Variants in DENND2D observed in about 807,000 individuals in gnomAD.
DENND2D encodes DENN domain-containing protein 2D.
In DENND2D, 37 loss-of-function variants were observed where a neutral mutation model predicts 59.8. The observed-to-expected ratio is 0.62, with a 90% CI of 0.48 to 0.81. DENND2D has a LOEUF of 0.81. DENND2D is among the 40% of genes least tolerant of loss of function. The probability of loss-of-function intolerance (pLI) is 0.00; values close to 1 mark genes in which losing one functional copy is unlikely to be tolerated. For missense variants in DENND2D, 525 were observed against 579.7 expected (o/e 0.91, Z 0.97); for synonymous variants, 219 against 211.3 (o/e 1.04, Z -0.31).
chr1:111,190,120 C>T (rs951897418), intron 8 of DENND2D, among the ~76,000 whole-genome samples: 142 of 148,502 alleles, frequency 9.6e-4, no homozygotes, highest in African/African-American at 3.2e-3. Flanking sequence ...GCCGAGATCG[C>T]GCCACTGCAC....
intron 8 of DENND2D, 158 bp from the exon 9 acceptor site, chr1:111,189,411 T>C (rs1415418465): frequency 4.2e-6 from 3 of 714,394 alleles, no homozygotes; most frequent in Non-Finnish European, 7.2e-6. Flanking sequence ...TTCTCCTTTC[T>C]CACCATTCCC....
rs1571171938 is a variant in DENND2D at position 111,189,124 on chromosome 1, A to G, written c.1014+88T>C. The G allele has an allele frequency of 4.1e-6, 6 of 1,457,586 alleles. No homozygotes were observed. The East Asian group carries it at 1.4e-4, about 33-fold the overall frequency. The allele number at this position is 1,457,586 out of a possible 1,614,324, so 90.3% of individuals were successfully genotyped here. A position where few individuals can be genotyped will look rare whatever the true frequency, so the allele number is the denominator to read the frequency against. On this transcript the variant is annotated intron_variant, in intron 9 of 11. Coordinates refer to ENST00000357640, the MANE Select transcript of DENND2D (RefSeq NM_024901.5). ...GATTCTCACTCAACAAAGAACTTAA[A>G]TGTTTGTTTAAATAAGTGGAACATG...
chr1:111,204,378 C>A, upstream of DENND2D: 1 of 1,391,698 alleles, frequency 7.2e-7, no homozygotes, highest in Non-Finnish European at 9.3e-7. Context: ...CCGGCTCCCG[C>A]TCCCAGCTCC....
intron 8 of DENND2D, chr1:111,189,454 G>A (rs1657525519): frequency 3.4e-6 from 2 of 593,666 alleles, no homozygotes; most frequent in East Asian, 2.9e-5. Flanking sequence ...CCTGAGGAAA[G>A]GGTGTGGGTG....
chr1:111,195,216 C>A (rs1217077962), intron 6 of DENND2D: 1 of 155,382 alleles, frequency 6.4e-6, no homozygotes, highest in Non-Finnish European at 1.4e-5. Context: ...AACATCTGTT[C>A]TCCCCACTGG....
Position 111,187,018 on chromosome 1 carries a change from TAGA to T in DENND2D, c.*584_*586del, listed in dbSNP as rs778796272. On this transcript the variant is annotated 3_prime_UTR_variant, in exon 12 of 12. Coordinates refer to ENST00000357640, the MANE Select transcript of DENND2D (RefSeq NM_024901.5). ...TACCAGTATCTCTTACCCTTCCGGT[TAGA>T]AGAAGTAGAGCTGCTGCCCCCCATG... is the stretch of plus-strand genomic sequence containing the variant. Among the ~76,000 whole-genome samples, 6 of 152,122 alleles carry T rather than the reference TAGA, an allele frequency of 3.9e-5. No homozygotes were observed. The highest frequency in any genetic ancestry group is 1.9e-4 in the East Asian group (1 of 5,178).
At chr1:111,188,436 A>G (rs1657426320) in intron 10 of DENND2D, 66 bp from the exon 11 acceptor site, 1 of 1,583,540 alleles carries the variant, frequency 6.3e-7, no homozygotes, top group Admixed American at 1.8e-5. Flanking sequence ...ACTCACCTTC[A>G]AGAATGGCTT....
intron 1 of DENND2D, 160 bp downstream of exon 1, chr1:111,200,233 T>A: frequency 1.1e-6 from 1 of 940,718 alleles, no homozygotes. Flanking sequence ...CATGACCAGC[T>A]CTTAAAAACC....
chr1:111,204,028 GGGCCCCACAAC>G (rs1659064251), upstream of DENND2D: 1 of 433,724 alleles, frequency 2.3e-6, no homozygotes, highest in Non-Finnish European at 4.1e-6. Flanking sequence ...CGTGGCCCCG[GGGCCCCACAAC>G]GGCTTCCTGT....
chr1:111,193,294 ACT>A (rs1657942934), intron 7 of DENND2D, among the ~76,000 whole-genome samples: 1 of 151,988 alleles, frequency 6.6e-6, no homozygotes, highest in Non-Finnish European at 1.5e-5. Context: ...GAGCTGAAAA[ACT>A]CAGTGTGGGA....
At chr1:111,198,935 T>C (rs1282542979) in intron 2 of DENND2D, among the ~76,000 whole-genome samples, 193 bp from the exon 3 acceptor site, 1 of 152,138 alleles carries the variant, frequency 6.6e-6, no homozygotes, top group Admixed American at 6.5e-5. Context: ...TTGGAACAAC[T>C]CCAAAGCTGA....
intron 2 of DENND2D, 120 bp from the exon 3 acceptor site, chr1:111,198,862 A>T: frequency 2.1e-6 from 2 of 954,832 alleles, no homozygotes; most frequent in Non-Finnish European, 3.2e-6. Context: ...AAGCTTCTCC[A>T]CTAGCATAGG....
chr1:111,196,111 T>C, intron 5 of DENND2D, 55 bp from the exon 6 acceptor site: 1 of 1,541,710 alleles, frequency 6.5e-7, no homozygotes, highest in Middle Eastern at 1.7e-4. Context: ...ACCAGGCAGG[T>C]GGAAGAGACT....
chr1:111,196,643 A>G (rs1658258647), intron 5 of DENND2D: 1 of 161,562 alleles, frequency 6.2e-6, no homozygotes, highest in African/African-American at 2.4e-5. Flanking sequence ...CATGGCCCCC[A>G]TGGATTCTGC....
chr1:111,194,509 C>T (rs1034857085), intron 7 of DENND2D, 69 bp downstream of exon 7: 2 of 1,574,960 alleles, frequency 1.3e-6, no homozygotes, highest in African/African-American at 2.7e-5. Context: ...CTTGGATAAC[C>T]TCCAGTCTGT....
chr1:111,192,201 G>T lies in DENND2D; in HGVS notation c.911C>A (p.Pro304His). ...GCGCATTTGTACTCCAACCATGAAG[G>T]GGGTGGGGCAGCAGACGGTGGCCAG... Reference protein sequence around the residue: ...SLLATVCCPTPFMVGVQMRFQ... With the variant: ...SLLATVCCPTHFMVGVQMRFQ... The change falls in exon 8 of 12, where the codon CCC becomes CAC. Residue 304 changes from proline to histidine, a missense_variant. Physicochemically the swap from Pro to His is moderately conservative, Grantham distance 77. Coordinates refer to ENST00000357640, the MANE Select transcript of DENND2D (RefSeq NM_024901.5). 1 of 1,613,924 alleles carries T rather than the reference G, an allele frequency of 6.2e-7. No homozygotes were observed. Among genetic ancestry groups the T allele is most frequent in the Non-Finnish European group, 8.5e-7 (1 of 1,179,888 alleles).
At chr1:111,194,551 G>A (rs780915301) in intron 7 of DENND2D, 27 bp downstream of exon 7, 1 of 1,612,190 alleles carries the variant, frequency 6.2e-7, no homozygotes, top group Non-Finnish European at 8.5e-7. Flanking sequence ...GGGCAGTTCA[G>A]GTGAGCCGTC....
chr1:111,186,463 T>C lies in DENND2D; in HGVS notation c.*1142A>G, dbSNP rs1347677099. On this transcript the variant is annotated 3_prime_UTR_variant, in exon 12 of 12. Coordinates refer to ENST00000357640, the MANE Select transcript of DENND2D (RefSeq NM_024901.5). ...GCCCGGTTCCACCCTCCAGAAACTT[T>C]TGTGTTCTTTGTATAGAATTTAGGA... Among the ~76,000 whole-genome samples, 1 of 152,298 alleles carries C rather than the reference T, an allele frequency of 6.6e-6. No homozygotes were observed. The highest frequency in any genetic ancestry group is 1.5e-5 in the Non-Finnish European group (1 of 68,018).
At chr1:111,192,026 G>C in intron 8 of DENND2D, 114 bp downstream of exon 8, 1 of 1,024,196 alleles carries the variant, frequency 9.8e-7, no homozygotes, top group Non-Finnish European at 1.4e-6. Flanking sequence ...GAAAGCTCAG[G>C]CTTAAAGAGG....
Sources: gnomAD v4.1 joint callset for allele counts (sites outside exome capture counted in the v4.1 genomes callset) on GRCh38, gnomAD v4.1.1 for gene constraint, MANE v1.5 for transcripts, NCBI Gene and HGNC (gene_info 2026-07-23, HGNC 2026-07-21) for gene names.